Variants in AKAP9 observed in about 807,000 individuals in gnomAD.
AKAP9 encodes A-kinase anchor protein 9.
AKAP9 carries 311 observed loss-of-function variants against 488.5 expected under a neutral mutation model. The ratio of observed to expected loss-of-function variants is 0.64; its 90% confidence interval spans 0.58 to 0.70. The LOEUF is 0.70. Among genes scored for constraint, AKAP9 ranks in the 30% least tolerant of loss-of-function variants. The pLI is 0.00. For synonymous variants in AKAP9, 1,462 were observed against 1,483.5 expected, an observed-to-expected ratio of 0.99 and a Z score of 0.33; for missense variants, 4,215 against 4,374.5, an observed-to-expected ratio of 0.96 and a Z score of 1.03.
intron 24 of AKAP9, among the ~76,000 whole-genome samples, chr7:92,064,513 C>T (rs1421340010): frequency 6.6e-6 from 1 of 152,042 alleles, no homozygotes; most frequent in African/African-American, 2.4e-5. Flanking sequence ...ATATTATTCT[C>T]AGTTTACATA....
At chr7:92,099,618 T>G (rs566814688) in intron 43 of AKAP9, 69 bp from the exon 44 acceptor site, 2 of 1,474,446 alleles carry the variant, frequency 1.4e-6, no homozygotes, top group Admixed American at 1.7e-5. Context: ...TCGGTGCCTA[T>G]TCACACTTTA....
chr7:92,019,640 CATAT>C (rs951398748), intron 12 of AKAP9, among the ~76,000 whole-genome samples: 1 of 149,538 alleles, frequency 6.7e-6, no homozygotes, highest in Non-Finnish European at 1.5e-5. Flanking sequence ...TACTATTTTA[CATAT>C]ATATATATAA....
intron 33 of AKAP9, 23 bp downstream of exon 33, chr7:92,083,678 G>T (rs1814000600): frequency 1.9e-6 from 3 of 1,602,892 alleles, no homozygotes; most frequent in Non-Finnish European, 2.5e-6. Flanking sequence ...TATAATATGT[G>T]TTTTTCAACA....
chr7:91,964,901 A>G (rs934712195), intron 1 of AKAP9, among the ~76,000 whole-genome samples: 3 of 152,192 alleles, frequency 2.0e-5, no homozygotes, highest in African/African-American at 7.2e-5. Context: ...AATTTACTTT[A>G]AAATTTTTAT....
intron 7 of AKAP9, among the ~76,000 whole-genome samples, chr7:91,998,542 G>A (rs1253810403): frequency 6.8e-6 from 1 of 147,632 alleles, no homozygotes; most frequent in East Asian, 2.0e-4. Context: ...TTGTTTAACG[G>A]TTGAAAGAAG....
At chr7:91,955,033 T>C (rs1485777127) in intron 1 of AKAP9, among the ~76,000 whole-genome samples, 2 of 152,230 alleles carry the variant, frequency 1.3e-5, no homozygotes, top group Non-Finnish European at 2.9e-5. Context: ...GATATGATTA[T>C]TGTATGACAC....
At chr7:91,951,446 TC>T (rs1409018093) in intron 1 of AKAP9, among the ~76,000 whole-genome samples, 11 of 152,212 alleles carry the variant, frequency 7.2e-5, no homozygotes, top group Admixed American at 2.6e-4. Flanking sequence ...CACTTCAGGC[TC>T]CCGAGTAGCT....
intron 1 of AKAP9, among the ~76,000 whole-genome samples, chr7:91,942,406 C>T (rs1023507470): frequency 1.3e-5 from 2 of 152,124 alleles, no homozygotes; most frequent in Non-Finnish European, 2.9e-5. Context: ...TGTATATAGC[C>T]AGGTAAATTT....
chr7:92,099,579 C>A, intron 43 of AKAP9, 108 bp from the exon 44 acceptor site: 1 of 1,091,238 alleles, frequency 9.2e-7, no homozygotes, highest in Non-Finnish European at 1.4e-6. Flanking sequence ...ATACTCAACT[C>A]AAGCACCAAT....
At chr7:92,109,061 AAAAAG>A (rs1258576388) in intron 49 of AKAP9, 2 of 283,044 alleles carry the variant, frequency 7.1e-6, no homozygotes, top group Non-Finnish European at 6.8e-6. Context: ...AAAAAAAAAA[AAAAAG>A]AAAGTGGTAA....
chr7:92,098,717 T>G (rs896681607), intron 43 of AKAP9, among the ~76,000 whole-genome samples: 25 of 152,188 alleles, frequency 1.6e-4, no homozygotes, highest in African/African-American at 5.8e-4. Flanking sequence ...ACCCTCTTCC[T>G]TCTTTTCTCT....
At chr7:92,005,372 A>G (rs558855505) in intron 8 of AKAP9, among the ~76,000 whole-genome samples, 1 of 152,298 alleles carries the variant, frequency 6.6e-6, no homozygotes, top group East Asian at 1.9e-4. Flanking sequence ...AATTAGAGCA[A>G]TTGTAAAGAC....
Position 92,038,611 on chromosome 7 carries a change from AAAG to A in AKAP9, c.4537_4539del (p.Glu1513del), listed in dbSNP as rs764066037. On this transcript the variant is annotated inframe_deletion, in exon 17 of 50. Coordinates refer to ENST00000356239, the MANE Select transcript of AKAP9 (RefSeq NM_005751.5). ...TTTTGAGACAGTGGATGTGAAATTT[AAAG>A]AAGAATTTAAACCACTTAGTAAAGA... The A allele has an allele frequency of 5.0e-6, 8 of 1,613,900 alleles. No individual in the cohort carries two copies. Among genetic ancestry groups the A allele is most frequent in the Non-Finnish European group, 5.9e-6 (7 of 1,179,906 alleles).
At chr7:92,024,999 T>A (rs1319272711) in intron 14 of AKAP9, among the ~76,000 whole-genome samples, 7 of 152,212 alleles carry the variant, frequency 4.6e-5, no homozygotes, top group East Asian at 1.9e-4. Context: ...ATAATTTTTT[T>A]AATTACTTAC....
intron 3 of AKAP9, among the ~76,000 whole-genome samples, chr7:91,985,850 T>C (rs762269753): frequency 1.7e-4 from 26 of 152,182 alleles, no homozygotes; most frequent in Non-Finnish European, 3.4e-4. Flanking sequence ...GGTTTCACCA[T>C]ACTGTTCAAG....
At chr7:92,062,582 T>G in intron 24 of AKAP9, 96 bp downstream of exon 24, 1 of 953,122 alleles carries the variant, frequency 1.0e-6, no homozygotes, top group Admixed American at 2.1e-5. Flanking sequence ...AGTGCCATTA[T>G]TCATATATTT....
intron 48 of AKAP9, chr7:92,108,030 A>G (rs1183098423): frequency 5.4e-6 from 1 of 185,102 alleles, no homozygotes; most frequent in Non-Finnish European, 1.1e-5. Context: ...AAAAAAAAAA[A>G]AAAAGAAAAA....
intron 14 of AKAP9, among the ~76,000 whole-genome samples, chr7:92,026,469 G>A (rs1803160145): frequency 1.3e-5 from 2 of 151,974 alleles, no homozygotes; most frequent in Admixed American, 6.6e-5. Flanking sequence ...CTAGTGCCTG[G>A]GATTGCAGTC....
intron 1 of AKAP9, among the ~76,000 whole-genome samples, chr7:91,965,366 G>T (rs573572590): frequency 6.6e-6 from 1 of 152,220 alleles, no homozygotes; most frequent in African/African-American, 2.4e-5. Flanking sequence ...ATGACAATTT[G>T]TTCTTTTTTT....
Sources: gnomAD v4.1 joint callset for allele counts (sites outside exome capture counted in the v4.1 genomes callset) on GRCh38, gnomAD v4.1.1 for gene constraint, MANE v1.5 for transcripts, NCBI Gene and HGNC (gene_info 2026-07-23, HGNC 2026-07-21) for gene names.